The following CNTN5 variants were observed in gnomAD, a reference collection of about 807,000 sequenced individuals.
The protein encoded by CNTN5 is contactin 5.
CNTN5 carries 77 observed loss-of-function variants against 129.1 expected under a neutral mutation model. That is an observed-to-expected ratio of 0.60 (90% CI 0.50 to 0.72). The LOEUF is 0.72. CNTN5 is among the 30% of genes least tolerant of loss of function. The pLI is 0.00. For synonymous variants in CNTN5, 509 were observed against 465.6 expected (o/e 1.09, Z -1.20); for missense variants, 1,478 against 1,328.8 (o/e 1.11, Z -1.75).
chr11:99,408,994 C>T (rs1008033205), intron 2 of CNTN5, among the ~76,000 whole-genome samples: 1 of 152,160 alleles, frequency 6.6e-6, no homozygotes, highest in Non-Finnish European at 1.5e-5. Flanking sequence ...TGATTTTCAA[C>T]AGTCAGCCTG....
At chr11:100,047,395 A>C (rs527906850) in intron 9 of CNTN5, among the ~76,000 whole-genome samples, 2 of 152,328 alleles carry the variant, frequency 1.3e-5, no homozygotes, top group South Asian at 4.1e-4. Flanking sequence ...AAACTAAACC[A>C]CAAATAAATT....
At chr11:99,621,797 C>T (rs958292274) in intron 3 of CNTN5, among the ~76,000 whole-genome samples, 21 of 152,106 alleles carry the variant, frequency 1.4e-4, no homozygotes, top group African/African-American at 4.8e-4. Context: ...ATTGTCTTCC[C>T]AGCACTCTTA....
chr11:99,265,927 A>G (rs1382777882), intron 1 of CNTN5, among the ~76,000 whole-genome samples: 2 of 152,068 alleles, frequency 1.3e-5, no homozygotes, highest in Non-Finnish European at 2.9e-5. Flanking sequence ...TGAATTACTG[A>G]ATTTGAATTT....
At chr11:99,322,936 T>A (rs72983716) in intron 1 of CNTN5, among the ~76,000 whole-genome samples, 1 of 152,154 alleles carries the variant, frequency 6.6e-6, no homozygotes, top group Non-Finnish European at 1.5e-5. Flanking sequence ...TGACCTATGG[T>A]GTGTGAAGCA....
At chr11:99,470,383 C>A (rs1214081931) in intron 2 of CNTN5, among the ~76,000 whole-genome samples, 2 of 152,064 alleles carry the variant, frequency 1.3e-5, no homozygotes, top group Non-Finnish European at 2.9e-5. Flanking sequence ...AAATAATGTT[C>A]ATTTTCTTTC....
chr11:99,474,502 C>A (rs540228035), intron 2 of CNTN5, among the ~76,000 whole-genome samples: 54 of 152,008 alleles, frequency 3.6e-4, no homozygotes, highest in Admixed American at 1.6e-3. Flanking sequence ...TATTTAAATT[C>A]TAATAAAAAA....
intron 13 of CNTN5, among the ~76,000 whole-genome samples, chr11:100,155,726 C>T (rs1417415537): frequency 2.7e-5 from 4 of 148,156 alleles, no homozygotes; most frequent in Non-Finnish European, 6.1e-5. Context: ...TCCTTGAGGT[C>T]CTTCACATCC....
At chr11:99,844,099 A>G (rs1438595636) in intron 4 of CNTN5, among the ~76,000 whole-genome samples, 2 of 152,158 alleles carry the variant, frequency 1.3e-5, no homozygotes, top group East Asian at 3.8e-4. Context: ...TACTTTTATC[A>G]CACACAGAAT....
intron 2 of CNTN5, among the ~76,000 whole-genome samples, chr11:99,424,434 G>A (rs2726351): frequency 0.07 from 10,630 of 152,292 alleles, 460 homozygotes; most frequent in Non-Finnish European, 0.096. Flanking sequence ...TCACGCCTGC[G>A]AAGGGTGAGC....
At chr11:99,353,920 G>A (rs759672903) in intron 2 of CNTN5, among the ~76,000 whole-genome samples, 14 of 152,184 alleles carry the variant, frequency 9.2e-5, no homozygotes, top group African/African-American at 2.2e-4. Context: ...TTTACCCCAC[G>A]TGAAGGCTGT....
chr11:99,093,191 C>G (rs548910379), intron 1 of CNTN5, among the ~76,000 whole-genome samples: 1 of 152,132 alleles, frequency 6.6e-6, no homozygotes, highest in Admixed American at 6.5e-5. Context: ...TACCAAGTTA[C>G]ACATACAGGA....
intron 3 of CNTN5, among the ~76,000 whole-genome samples, chr11:99,788,664 T>C (rs1035734670): frequency 6.6e-6 from 1 of 151,904 alleles, no homozygotes; most frequent in Non-Finnish European, 1.5e-5. Flanking sequence ...ATGCAGAGTG[T>C]GCTAAAGATG....
intron 3 of CNTN5, among the ~76,000 whole-genome samples, chr11:99,698,450 T>C (rs1479635643): frequency 1.3e-5 from 2 of 151,542 alleles, no homozygotes; most frequent in East Asian, 3.9e-4. Flanking sequence ...AACTGTGTTT[T>C]CATGAATATT....
intron 2 of CNTN5, among the ~76,000 whole-genome samples, chr11:99,332,714 T>C (rs1197106967): frequency 6.6e-6 from 1 of 152,056 alleles, no homozygotes; most frequent in African/African-American, 2.4e-5. Context: ...TGATCTATTA[T>C]CATCAGTGAC....
chr11:99,957,625 A>G (rs951528437), intron 8 of CNTN5, among the ~76,000 whole-genome samples: 7 of 152,172 alleles, frequency 4.6e-5, no homozygotes, highest in East Asian at 1.9e-4. Context: ...TTCAAGTGCT[A>G]TATTACCATT....
At chr11:99,913,302 C>T (rs994481474) in intron 6 of CNTN5, among the ~76,000 whole-genome samples, 1 of 151,976 alleles carries the variant, frequency 6.6e-6, no homozygotes. Context: ...CTTAGATCAA[C>T]CATCATCTTG....
chr11:99,526,098 CA>C (rs1284561720), intron 2 of CNTN5, among the ~76,000 whole-genome samples: 1 of 152,052 alleles, frequency 6.6e-6, no homozygotes, highest in Non-Finnish European at 1.5e-5. Flanking sequence ...CTCCTTTAAG[CA>C]AAAAACTGTA....
intron 1 of CNTN5, among the ~76,000 whole-genome samples, chr11:99,072,428 T>A (rs1865375805): frequency 1.3e-5 from 2 of 152,164 alleles, no homozygotes; most frequent in South Asian, 4.1e-4. Flanking sequence ...ATGTTTTGAA[T>A]GATAAAATTA....
chr11:99,140,519 T>A (rs1277808153), intron 1 of CNTN5, among the ~76,000 whole-genome samples: 1 of 152,030 alleles, frequency 6.6e-6, no homozygotes, highest in Non-Finnish European at 1.5e-5. Context: ...GACTAGGCCT[T>A]TCAGTATTAT....
Sources: allele counts gnomAD v4.1 joint callset (sites outside exome capture counted in the v4.1 genomes callset), GRCh38; gene constraint gnomAD v4.1.1; transcripts MANE v1.5; gene names NCBI Gene and HGNC (gene_info 2026-07-23, HGNC 2026-07-21).